PIR: variants seen among roughly 807,000 people sequenced by gnomAD.
PIR encodes the protein pirin, also known as pirin (iron-binding nuclear protein).
In PIR, 22 loss-of-function variants were observed where a neutral mutation model predicts 24.2. The ratio of observed to expected loss-of-function variants is 0.91; its 90% CI spans 0.65 to 1.30. The LOEUF is 1.30. Ranked by LOEUF, PIR falls within the 50% of genes most tolerant of loss-of-function variation. The pLI is 0.00. For synonymous variants in PIR, 80 were observed against 79.6 expected (o/e 1.00, Z -0.03); for missense variants, 220 against 220.3 (o/e 1.00, Z 0.01).
At chrX:15,394,356 C>T (rs556533556) in intron 8 of PIR, among the ~76,000 whole-genome samples, 2 of 111,947 alleles carry the variant, frequency 1.8e-5, no homozygotes, top group Non-Finnish European at 1.9e-5. Flanking sequence ...TTCTGTCTTT[C>T]AATGTTTATT....
At chrX:15,397,010 G>T (rs1051167352) in intron 8 of PIR, among the ~76,000 whole-genome samples, 1 of 112,383 alleles carries the variant, frequency 8.9e-6, no homozygotes, top group African/African-American at 3.2e-5. Context: ...AAAGTGCTGC[G>T]ATTACAGGCG....
intron 2 of PIR, among the ~76,000 whole-genome samples, chrX:15,487,993 C>T (rs1432552642): frequency 3.6e-5 from 4 of 111,387 alleles, no homozygotes; most frequent in Non-Finnish European, 3.8e-5. Flanking sequence ...GAAAAATAAC[C>T]TCTTGGTCGG....
rs747290591 is a variant in PIR, at chrX:15,460,376, G to T, written c.190-636C>A. Reference sequence around the variant, plus strand: ...TGTTGACCAATAAATAGATAATGTGGTATATATACACAATGGAGTACTATT... The same window carrying T: ...TGTTGACCAATAAATAGATAATGTGTTATATATACACAATGGAGTACTATT... On this transcript the variant is annotated intron_variant, in intron 3 of 9. Transcript: ENST00000380420. Among the ~76,000 whole-genome samples the T allele has an allele frequency of 3.6e-5, 4 of 111,717 alleles. 1 individual carries two copies. The East Asian group carries it at 1.1e-3, about 31-fold the overall frequency.
At chrX:15,401,227 A>T (rs749200316) in intron 7 of PIR, among the ~76,000 whole-genome samples, 58 of 106,870 alleles carry the variant, frequency 5.4e-4, no homozygotes, top group African/African-American at 1.9e-3. Context: ...TAATTAAAAA[A>T]ATTTTTTTTG....
chrX:15,450,195 C>T (rs968148255), intron 5 of PIR, among the ~76,000 whole-genome samples: 4 of 111,302 alleles, frequency 3.6e-5, no homozygotes, highest in Non-Finnish European at 5.7e-5. Context: ...TATCACAGAG[C>T]GCTCTGATTT....
chrX:15,407,651 T>C (rs1924592055), intron 6 of PIR, 101 bp from the exon 7 acceptor site: 1 of 608,495 alleles, frequency 1.6e-6, no homozygotes, highest in Non-Finnish European at 2.8e-6. Flanking sequence ...GGAGACGAAA[T>C]CCTTTTTTTC....
intron 3 of PIR, among the ~76,000 whole-genome samples, chrX:15,467,528 C>T (rs1921664307): frequency 8.9e-6 from 1 of 111,844 alleles, no homozygotes; most frequent in African/African-American, 3.3e-5. Flanking sequence ...CTAATATACA[C>T]AAAGCTGAAA....
chrX:15,398,669 G>GTGTGTGTGTGTGT (rs1555952785), intron 7 of PIR, among the ~76,000 whole-genome samples: 1,393 of 76,056 alleles, frequency 0.018, 25 homozygotes, highest in African/African-American at 0.023. Context: ...GAGGAGGGAG[G>GTGTGTGTGTGTGT]GTGTGTGTGT....
intron 4 of PIR, among the ~76,000 whole-genome samples, chrX:15,458,206 T>C (rs1052397552): frequency 1.8e-5 from 2 of 112,165 alleles, no homozygotes. Flanking sequence ...TAAAATGGCC[T>C]ATATATTGGA....
rs2147059024 is a variant in PIR at position 15,456,030 on chromosome X, G to A, written c.298C>T (p.Leu100=). ...LQWMTAGRGI[L]HAEMPCSEEP... ...TCTGAGCAAGGCATCTCAGCGTGCA[G>A]AATGCCCCGGCCCGCAGTCATCCAC... The change falls in exon 5 of 10, where the codon CTG becomes TTG. Residue 100 remains leucine, a synonymous_variant. Transcript: ENST00000380420. 8.3e-7 allele frequency: 1 copy of A among 1,210,696 alleles called. No individual in the cohort carries two copies. The highest frequency in any genetic ancestry group is 1.1e-6 in the Non-Finnish European group (1 of 894,789).
chrX:15,470,585 T>C (rs1483458073), intron 3 of PIR, among the ~76,000 whole-genome samples: 1 of 76,459 alleles, frequency 1.3e-5, no homozygotes, highest in Non-Finnish European at 2.6e-5. Flanking sequence ...TTTTTCTTTC[T>C]TTCTTTCTTT....
At chrX:15,480,472 G>A (rs754503695) in intron 2 of PIR, among the ~76,000 whole-genome samples, 31 of 112,100 alleles carry the variant, frequency 2.8e-4, no homozygotes, top group Admixed American at 6.6e-4. Flanking sequence ...TAAACAAGAT[G>A]TATTCTGTAT....
chrX:15,385,120 G>A lies in PIR; in HGVS notation c.761-4C>T, dbSNP rs890274909. ...TTGGTGTTCATCACAAATGGACCTA[G>A]GGCAGAAAGAGACATTCAGAAAGTT... is the stretch of plus-strand genomic sequence containing the variant. On this transcript the variant is annotated splice_polypyrimidine_tract_variant and splice_region_variant and intron_variant, in intron 9 of 9. Transcript: ENST00000380420. 1 of 1,033,051 alleles carries A rather than the reference G, an allele frequency of 9.7e-7. No individual in the cohort carries two copies. The highest frequency in any genetic ancestry group is 3.1e-5 in the East Asian group (1 of 32,145). The allele number at this position is 1,033,051 out of a possible 1,213,427, so 85.1% of individuals were successfully genotyped here.
chrX:15,400,010 A>G (rs1924323750), intron 7 of PIR, among the ~76,000 whole-genome samples: 2 of 111,467 alleles, frequency 1.8e-5, no homozygotes, highest in African/African-American at 6.5e-5. Context: ...GTGTGTGCCA[A>G]TATCTGTGGT....
chrX:15,445,011 G>A (rs1283638599), intron 5 of PIR, among the ~76,000 whole-genome samples: 1 of 111,276 alleles, frequency 9.0e-6, no homozygotes, highest in African/African-American at 3.3e-5. Context: ...AACAGTGTCG[G>A]GTTTTCTTCC....
chrX:15,393,585 T>C (rs1002480895), intron 8 of PIR, among the ~76,000 whole-genome samples: 2 of 110,555 alleles, frequency 1.8e-5, no homozygotes, highest in Non-Finnish European at 3.8e-5. Context: ...CTGCTCGAAT[T>C]ACCACCCCAG....
chrX:15,459,134 G>T (rs1304437133), intron 4 of PIR, among the ~76,000 whole-genome samples: 1 of 112,153 alleles, frequency 8.9e-6, no homozygotes, highest in Non-Finnish European at 1.9e-5. Context: ...AGACTAGGAT[G>T]ATGGAGGGCT....
At chrX:15,412,104 T>G (rs1243361800) in intron 6 of PIR, among the ~76,000 whole-genome samples, 1 of 112,465 alleles carries the variant, frequency 8.9e-6, no homozygotes, top group African/African-American at 3.2e-5. Flanking sequence ...GAAATTAACA[T>G]TGATACAATG....
At chrX:15,449,660 CA>C (rs1243478587) in intron 5 of PIR, among the ~76,000 whole-genome samples, 6 of 112,218 alleles carry the variant, frequency 5.3e-5, no homozygotes, top group African/African-American at 1.6e-4. Flanking sequence ...TTGAATTTAA[CA>C]TTGAATATTA....
Sources: allele counts gnomAD v4.1 joint callset (sites outside exome capture counted in the v4.1 genomes callset), GRCh38; gene constraint gnomAD v4.1.1; transcripts MANE v1.5; gene names NCBI Gene and HGNC (gene_info 2026-07-23, HGNC 2026-07-21).